Variants in RBM19 observed in about 807,000 individuals in gnomAD.
RBM19 encodes the protein probable RNA-binding protein 19.
RBM19 carries 94 observed loss-of-function variants against 116.8 expected under a neutral mutation model. The observed-to-expected ratio is 0.80, with a 90% CI of 0.68 to 0.95. The LOEUF is 0.95. Among genes scored for constraint, RBM19 ranks in the 40% least tolerant of loss-of-function variants. The probability of loss-of-function intolerance (pLI) is 0.00; values close to 1 mark genes in which losing one functional copy is unlikely to be tolerated. For missense variants in RBM19, 1,161 were observed against 1,220.7 expected, an observed-to-expected ratio of 0.95 and a Z score of 0.73; for synonymous variants, 475 against 494.1, an observed-to-expected ratio of 0.96 and a Z score of 0.51.
chr12:113,889,322 G>C (rs1346169564), intron 21 of RBM19, among the ~76,000 whole-genome samples: 1 of 152,164 alleles, frequency 6.6e-6, no homozygotes, highest in Non-Finnish European at 1.5e-5. Flanking sequence ...GGCACATCCC[G>C]AGCTGCAGTT....
At chr12:113,855,281 TG>T (rs3837468) in intron 22 of RBM19, among the ~76,000 whole-genome samples, 16,646 of 152,204 alleles carry the variant, frequency 0.11, 1,184 homozygotes, top group East Asian at 0.23. Flanking sequence ...AACACTGTTC[TG>T]GGAGTTGAGA....
intron 15 of RBM19, among the ~76,000 whole-genome samples, chr12:113,939,577 G>A (rs111888386): frequency 1.8e-4 from 28 of 151,542 alleles, no homozygotes; most frequent in Admixed American, 5.9e-4. Context: ...GTGAAACCCC[G>A]TCTCTACCAA....
chr12:113,854,903 G>T (rs1399913893), intron 22 of RBM19, among the ~76,000 whole-genome samples: 1 of 152,236 alleles, frequency 6.6e-6, no homozygotes, highest in Non-Finnish European at 1.5e-5. Context: ...CAGTGCGAGT[G>T]TGGTGAATGT....
At chr12:113,951,875 C>T (rs1229421365) in intron 8 of RBM19, among the ~76,000 whole-genome samples, 1 of 152,238 alleles carries the variant, frequency 6.6e-6, no homozygotes, top group African/African-American at 2.4e-5. Context: ...ACACATCCAG[C>T]GGCTTCCAGC....
chr12:113,835,408 C>A (rs921735852), intron 23 of RBM19, among the ~76,000 whole-genome samples: 7 of 152,140 alleles, frequency 4.6e-5, no homozygotes, highest in African/African-American at 1.7e-4. Flanking sequence ...TAATTGCACA[C>A]GTGAGCACCT....
intron 1 of RBM19, among the ~76,000 whole-genome samples, chr12:113,965,037 C>T (rs760634002): frequency 6.6e-6 from 1 of 151,790 alleles, no homozygotes; most frequent in Non-Finnish European, 1.5e-5. Context: ...TTTGGGAGGC[C>T]GAGGCGGTGG....
rs1037144734 is a variant in RBM19 at position 113,870,050 on chromosome 12, G to A, written c.2559-11154C>T. 2.6e-5 allele frequency among the ~76,000 whole-genome samples: 4 copies of A among 152,198 alleles called. No homozygotes were observed. In the East Asian group the frequency reaches 7.7e-4, roughly 29 times the overall value. On this transcript the variant is annotated intron_variant, in intron 21 of 23. Coordinates refer to ENST00000261741, the MANE Select transcript of RBM19 (RefSeq NM_016196.4). ...TAACTACCCCTGGGGTTGCCATGAA[G>A]ATGAAGTTCCAGGATCCTGGAAGGC...
At chr12:113,917,333 G>A (rs1409465319) in intron 20 of RBM19, among the ~76,000 whole-genome samples, 3 of 152,196 alleles carry the variant, frequency 2.0e-5, no homozygotes, top group African/African-American at 7.2e-5. Flanking sequence ...TACTTAGCAC[G>A]TTTCACTTCA....
At chr12:113,877,171 T>G (rs56412508) in intron 21 of RBM19, among the ~76,000 whole-genome samples, 4,829 of 152,302 alleles carry the variant, frequency 0.032, 159 homozygotes, top group African/African-American at 0.08. Context: ...TGATTTTACT[T>G]GAAACAAGGT....
intron 16 of RBM19, among the ~76,000 whole-genome samples, chr12:113,935,546 C>T (rs887256529): frequency 5.9e-5 from 9 of 152,154 alleles, no homozygotes; most frequent in Non-Finnish European, 1.2e-4. Context: ...TTAACCCCAA[C>T]GATGTGGGAT....
At chr12:113,845,525 G>A (rs933881329) in intron 22 of RBM19, among the ~76,000 whole-genome samples, 3 of 152,010 alleles carry the variant, frequency 2.0e-5, no homozygotes, top group South Asian at 2.1e-4. Flanking sequence ...TAGTATAATC[G>A]CAGAGCTGTG....
downstream of RBM19, among the ~76,000 whole-genome samples, chr12:113,820,971 C>T (rs1874376594): frequency 1.3e-5 from 2 of 152,204 alleles, no homozygotes; most frequent in African/African-American, 4.8e-5. Flanking sequence ...CCCTGATTCC[C>T]ATCATTTCAC....
chr12:113,861,566 GAGAA>G (rs1878394111), intron 21 of RBM19, among the ~76,000 whole-genome samples: 1 of 151,904 alleles, frequency 6.6e-6, no homozygotes, highest in East Asian at 1.9e-4. Flanking sequence ...GAGAGAAGGA[GAGAA>G]AGAGAGAGAG....
chr12:113,856,879 C>T (rs2135737809), intron 22 of RBM19, among the ~76,000 whole-genome samples: 1 of 152,272 alleles, frequency 6.6e-6, no homozygotes, highest in East Asian at 1.9e-4. Flanking sequence ...AACCCTGTGA[C>T]CATTTTACGA....
chr12:113,910,949 C>A (rs1388869650), intron 21 of RBM19, among the ~76,000 whole-genome samples: 1 of 152,210 alleles, frequency 6.6e-6, no homozygotes, highest in African/African-American at 2.4e-5. Flanking sequence ...GCCTCTCTGC[C>A]CTGGGCACTT....
rs147041235 is a variant in RBM19, at chr12:113,906,649, C to T, written c.2558+8320G>A. Among the ~76,000 whole-genome samples the T allele has an allele frequency of 3.9e-5, 6 of 152,104 alleles. No individual in the cohort carries two copies. In the East Asian group the frequency reaches 5.8e-4, roughly 15 times the overall value. ...CGGGGCAAGGCTGGTCCTGCCTCGT[C>T]GGGGCTCGGCATTTACTGTCTCTGG... On this transcript the variant is annotated intron_variant, in intron 21 of 23. Transcript: ENST00000261741.
intron 13 of RBM19, among the ~76,000 whole-genome samples, chr12:113,944,852 T>C (rs975474595): frequency 2.3e-5 from 3 of 129,996 alleles, no homozygotes; most frequent in Non-Finnish European, 4.9e-5. Context: ...TGTATATATA[T>C]GTATATATAA....
At chr12:113,865,661 T>C (rs923044546) in intron 21 of RBM19, among the ~76,000 whole-genome samples, 3 of 152,210 alleles carry the variant, frequency 2.0e-5, no homozygotes, top group African/African-American at 7.2e-5. Flanking sequence ...TGTGGAAGCA[T>C]AGTCACACTT....
At chr12:113,927,411 G>A in intron 16 of RBM19, 182 bp from the exon 17 acceptor site, 1 of 655,992 alleles carries the variant, frequency 1.5e-6, no homozygotes, top group Non-Finnish European at 2.5e-6. Flanking sequence ...AGCAACTCTT[G>A]AGACAGAGAG....
Sources: allele counts gnomAD v4.1 joint callset (sites outside exome capture counted in the v4.1 genomes callset), GRCh38; gene constraint gnomAD v4.1.1; transcripts MANE v1.5; gene names NCBI Gene and HGNC (gene_info 2026-07-23, HGNC 2026-07-21).